MYO5C: variants seen among roughly 807,000 people sequenced by gnomAD.
The protein encoded by MYO5C is unconventional myosin-Vc.
MYO5C carries 194 observed loss-of-function variants against 235.7 expected under a neutral mutation model. The observed-to-expected ratio is 0.82, with a 90% CI of 0.73 to 0.93. The LOEUF is 0.93. MYO5C is among the 40% of genes least tolerant of loss of function. MYO5C has a pLI of 0.00. For missense variants in MYO5C, 2,038 were observed against 2,127.2 expected, an observed-to-expected ratio of 0.96 and a Z score of 0.82; for synonymous variants, 707 against 754.8, an observed-to-expected ratio of 0.94 and a Z score of 1.04.
chr15:52,275,825 A>C, intron 4 of MYO5C, 107 bp from the exon 5 acceptor site: 1 of 1,075,744 alleles, frequency 9.3e-7, no homozygotes, highest in South Asian at 1.5e-5. Flanking sequence ...CTGTTTTGTC[A>C]CTCTACTATT....
chr15:52,270,046 T>C (rs899019286), intron 7 of MYO5C, among the ~76,000 whole-genome samples, 186 bp from the exon 8 acceptor site: 1 of 152,054 alleles, frequency 6.6e-6, no homozygotes, highest in African/African-American at 2.4e-5. Flanking sequence ...TCCCAGCACT[T>C]TGGGAGCCTG....
chr15:52,276,205 C>A (rs1167176144), intron 4 of MYO5C, among the ~76,000 whole-genome samples: 1 of 152,070 alleles, frequency 6.6e-6, no homozygotes, highest in African/African-American at 2.4e-5. Context: ...GTTCAATGAC[C>A]CAGTAAGAGG....
intron 27 of MYO5C, 44 bp downstream of exon 27, chr15:52,225,031 A>G (rs766407710): frequency 6.2e-7 from 1 of 1,613,176 alleles, no homozygotes; most frequent in Non-Finnish European, 8.5e-7. Flanking sequence ...CACGTTTTAC[A>G]TGTTTACATG....
chr15:52,268,477 C>T (rs1200413509), intron 8 of MYO5C, among the ~76,000 whole-genome samples: 2 of 151,986 alleles, frequency 1.3e-5, no homozygotes, highest in South Asian at 2.1e-4. Context: ...GCAGGGGAAC[C>T]GCTTGAATCG....
At chr15:52,212,727 C>T (rs2035472093) in intron 34 of MYO5C, among the ~76,000 whole-genome samples, 1 of 152,222 alleles carries the variant, frequency 6.6e-6, no homozygotes, top group Admixed American at 6.5e-5. Flanking sequence ...TGGGAAGCCC[C>T]ATCACATTGC....
Position 52,242,030 on chromosome 15 carries a change from G to A in MYO5C, c.2556+18C>T. On this transcript the variant is annotated intron_variant, in intron 20 of 40. Transcript: ENST00000261839. ...GGCCCGTACACCCTCCCTTCCTCTAGACAGAGGTTGGCCTCACCTTTCGAT... is the reference window on the plus strand; with the variant it reads ...GGCCCGTACACCCTCCCTTCCTCTAAACAGAGGTTGGCCTCACCTTTCGAT... 6.2e-7 allele frequency: 1 copy of A among 1,600,260 alleles called. No homozygotes were observed.
chr15:52,271,572 C>A (rs533541541), intron 7 of MYO5C, among the ~76,000 whole-genome samples, 191 bp downstream of exon 7: 119 of 151,914 alleles, frequency 7.8e-4, no homozygotes, highest in Admixed American at 2.2e-3. Flanking sequence ...AGTGCCCCCT[C>A]TCTCTAAACT....
At position 52,205,825 on chromosome 15, in the gene MYO5C, G is replaced by T; in HGVS notation, c.4528C>A (p.Pro1510Thr). ...TCCATTCTCTTCTTACCTATTATCG[G>T]TTGGATATTCTTTTCCATTATGATA... ...FIIIMEKNIQ[P>T]IIVPGMLEYE... The change falls in exon 37 of 41, where the codon CCG becomes ACG. Residue 1510 changes from proline to threonine, a missense_variant. By Grantham distance (38) the Pro-to-Thr change is conservative. Coordinates refer to ENST00000261839, the MANE Select transcript of MYO5C (RefSeq NM_018728.4). 1.3e-6 allele frequency: 2 copies of T among 1,553,466 alleles called. No individual in the cohort carries two copies. The highest frequency in any genetic ancestry group is 1.8e-6 in the Non-Finnish European group (2 of 1,140,052).
At chr15:52,275,473 G>A in intron 5 of MYO5C, 89 bp downstream of exon 5, 1 of 1,510,846 alleles carries the variant, frequency 6.6e-7, no homozygotes, top group East Asian at 2.3e-5. Context: ...TTTAAAGGGT[G>A]GGAACTTGAA....
Position 52,225,615 on chromosome 15 carries a change from G to A in MYO5C, c.3208-83C>T, listed in dbSNP as rs182767191. ...AAGACAAAGGGAACACAATTACAGC[G>A]TTGCGTGTCTATGCAAGACATCCTC... is the stretch of plus-strand genomic sequence containing the variant. On this transcript the variant is annotated intron_variant, in intron 25 of 40. Coordinates refer to ENST00000261839, the MANE Select transcript of MYO5C (RefSeq NM_018728.4). 446 of 932,468 alleles carry A rather than the reference G, an allele frequency of 4.8e-4. No homozygotes were observed. In the African/African-American group the frequency reaches 5.3e-3, roughly 11 times the overall value. 57.8% of individuals were successfully genotyped at this position (932,468 alleles called of 1,614,324 possible). A position where few individuals can be genotyped will look rare whatever the true frequency, so the allele number is the denominator to read the frequency against.
chr15:52,218,524 T>G lies in MYO5C; in HGVS notation c.3949A>C (p.Asn1317His). ...CAAGTTAGAAGACTTCTCACCCTGT[T>G]TTCCAAAGTGAGCCGGGATGCTTCC... ...RQEASRLTLE[N>H]RDLEEELDMK... is the part of the protein sequence containing the mutation. Residue 1317 changes from asparagine (N) to histidine (H), a missense_variant, in exon 32 of 41, where the codon AAC becomes CAC. Physicochemically the swap from Asn to His is moderately conservative, Grantham distance 68. Coordinates refer to ENST00000261839, the MANE Select transcript of MYO5C (RefSeq NM_018728.4). 6.2e-7 allele frequency: 1 copy of G among 1,614,154 alleles called. No homozygotes were observed. The highest frequency in any genetic ancestry group is 8.5e-7 in the Non-Finnish European group (1 of 1,179,982).
intron 14 of MYO5C, 93 bp downstream of exon 14, chr15:52,248,607 C>A: frequency 4.3e-6 from 3 of 689,922 alleles, no homozygotes; most frequent in Admixed American, 5.0e-5. Flanking sequence ...CACACACACA[C>A]TCTCTCTCTC....
chr15:52,264,226 C>T lies in MYO5C; in HGVS notation c.1011G>A (p.Gln337=). The T allele has an allele frequency of 6.2e-7, 1 of 1,614,108 alleles. No homozygotes were observed. The highest frequency in any genetic ancestry group is 8.5e-7 in the Non-Finnish European group (1 of 1,179,956). Residue 337 remains glutamine, a synonymous_variant, in exon 9 of 41, where the codon CAG becomes CAA. Coordinates refer to ENST00000261839, the MANE Select transcript of MYO5C (RefSeq NM_018728.4). Reference sequence around the variant, plus strand: ...ACCTCTCGTTGCCCACCGCGGTGATCTGCACATTGCCCAGATGTAGGATGG... The same window carrying T: ...ACCTCTCGTTGCCCACCGCGGTGATTTGCACATTGCCCAGATGTAGGATGG... ...LAAILHLGNV[Q]ITAVGNERSS...
intron 38 of MYO5C, among the ~76,000 whole-genome samples, 166 bp downstream of exon 38, chr15:52,204,699 C>CG: frequency 6.6e-6 from 1 of 152,046 alleles, no homozygotes; most frequent in Admixed American, 6.5e-5. Flanking sequence ...AGGCCCTGGG[C>CG]GCCAGCATCC....
chr15:52,206,079 G>C, intron 36 of MYO5C, 113 bp from the exon 37 acceptor site: 1 of 667,910 alleles, frequency 1.5e-6, no homozygotes, highest in Non-Finnish European at 2.3e-6. Flanking sequence ...TATATCAAAT[G>C]AGTTCATGAT....
intron 2 of MYO5C, among the ~76,000 whole-genome samples, chr15:52,280,994 T>C (rs551904211): frequency 6.6e-6 from 1 of 152,328 alleles, no homozygotes; most frequent in Admixed American, 6.5e-5. Flanking sequence ...GCTCCCCTGT[T>C]ACCAATGCAA....
rs557182868 is a variant in MYO5C at position 52,271,023 on chromosome 15, C to G, written c.832+740G>C. Among the ~76,000 whole-genome samples, 3 of 152,246 alleles carry G rather than the reference C, an allele frequency of 2.0e-5. No homozygotes were observed. The East Asian group carries it at 5.8e-4, about 29-fold the overall frequency. ...AAACAGCCCTATGTTTTAGCCATCT[C>G]TGGAATATAATTAATTATGACTACA... is the stretch of plus-strand genomic sequence containing the variant. On this transcript the variant is annotated intron_variant, in intron 7 of 40. Transcript: ENST00000261839.
intron 32 of MYO5C, among the ~76,000 whole-genome samples, 171 bp downstream of exon 32, chr15:52,218,348 C>G (rs1249831025): frequency 6.6e-6 from 1 of 152,164 alleles, no homozygotes; most frequent in Non-Finnish European, 1.5e-5. Context: ...CCAAGGCCTT[C>G]CCAAAGCCAA....
intron 19 of MYO5C, chr15:52,242,467 C>G (rs2036248163): frequency 2.3e-6 from 1 of 443,940 alleles, no homozygotes; most frequent in Non-Finnish European, 4.1e-6. Flanking sequence ...CAGGTACCCA[C>G]AGAGACGATG....
Sources: allele counts gnomAD v4.1 joint callset (sites outside exome capture counted in the v4.1 genomes callset), GRCh38; gene constraint gnomAD v4.1.1; transcripts MANE v1.5; gene names NCBI Gene and HGNC (gene_info 2026-07-23, HGNC 2026-07-21).